The following SORCS1 variants were observed in gnomAD, a reference collection of about 807,000 sequenced individuals.
The protein encoded by SORCS1 is VPS10 domain-containing receptor SorCS1.
A neutral mutation model predicts 146.1 loss-of-function variants in SORCS1; 60 were observed. That is an observed-to-expected ratio of 0.41 (90% CI 0.33 to 0.51). The LOEUF (loss-of-function observed/expected upper bound fraction) is 0.51, where lower values mean the gene tolerates loss of function less well. SORCS1 is among the 20% of genes least tolerant of loss of function. SORCS1 has a pLI of 0.21. For missense variants in SORCS1, 1,352 were observed against 1,487.6 expected (o/e 0.91, Z 1.50); for synonymous variants, 637 against 584.0 (o/e 1.09, Z -1.31).
chr10:107,166,883 A>G (rs1160195875), upstream of SORCS1, among the ~76,000 whole-genome samples: 4 of 152,242 alleles, frequency 2.6e-5, no homozygotes, highest in Admixed American at 6.5e-5. Context: ...GCTTTAGTCT[A>G]TCATTGCCCT....
chr10:106,831,339 CCAGA>C (rs1329241127), intron 2 of SORCS1, among the ~76,000 whole-genome samples: 18 of 152,296 alleles, frequency 1.2e-4, no homozygotes, highest in African/African-American at 4.3e-4. Context: ...CTAAGACTTA[CCAGA>C]CAGTGTTGCT....
chr10:107,036,962 C>T (rs1029617611), intron 1 of SORCS1, among the ~76,000 whole-genome samples: 2 of 152,056 alleles, frequency 1.3e-5, no homozygotes, highest in East Asian at 3.9e-4. Context: ...AATTAGGAAC[C>T]AGGCTGGGCG....
intron 8 of SORCS1, among the ~76,000 whole-genome samples, chr10:106,705,897 T>C (rs1854483355): frequency 6.6e-6 from 1 of 152,134 alleles, no homozygotes; most frequent in South Asian, 2.1e-4. Context: ...TCTAAAAAAT[T>C]AGCTGCGACT....
chr10:106,826,068 T>C (rs185061801), intron 3 of SORCS1, among the ~76,000 whole-genome samples: 2 of 152,322 alleles, frequency 1.3e-5, no homozygotes, highest in Admixed American at 6.5e-5. Context: ...GATCCTGCTT[T>C]ATTCTGGACT....
At chr10:106,737,987 T>C (rs953245652) in intron 5 of SORCS1, among the ~76,000 whole-genome samples, 2 of 152,334 alleles carry the variant, frequency 1.3e-5, no homozygotes, top group African/African-American at 4.8e-5. Flanking sequence ...GATGGTTCCA[T>C]ACCAGAACAA....
the SORCS1 span, among the ~76,000 whole-genome samples, chr10:107,176,135 G>C: frequency 6.6e-6 from 1 of 151,968 alleles, no homozygotes; most frequent in Non-Finnish European, 1.5e-5. Context: ...TTACCACTTA[G>C]TTTAACTTTT....
rs542253340 is a variant in SORCS1, at chr10:106,844,081, T to C, written c.627-14408A>G. On this transcript the variant is annotated intron_variant, in intron 2 of 25. Coordinates refer to ENST00000263054, the MANE Select transcript of SORCS1 (RefSeq NM_052918.5). Reference sequence around the variant, plus strand: ...TTTGATATTTTGATAAAAAACATCCTAATAGTTGTAAGGTGATATTTCATT... The same window carrying C: ...TTTGATATTTTGATAAAAAACATCCCAATAGTTGTAAGGTGATATTTCATT... 4.6e-5 allele frequency among the ~76,000 whole-genome samples: 7 copies of C among 152,352 alleles called. No individual in the cohort carries two copies. The East Asian group carries it at 1.4e-3, about 29-fold the overall frequency.
At chr10:106,635,478 T>G (rs923307042) in intron 18 of SORCS1, among the ~76,000 whole-genome samples, 2 of 151,874 alleles carry the variant, frequency 1.3e-5, no homozygotes, top group Admixed American at 1.3e-4. Flanking sequence ...CAGAGAAAGG[T>G]GAAGCAAAAG....
chr10:106,683,622 C>T (rs1486016199), intron 10 of SORCS1, among the ~76,000 whole-genome samples: 1 of 152,312 alleles, frequency 6.6e-6, no homozygotes, highest in East Asian at 1.9e-4. Flanking sequence ...AGCTTCAAAT[C>T]CCAATTCTTT....
intron 1 of SORCS1, among the ~76,000 whole-genome samples, chr10:107,102,870 C>A (rs1965027157): frequency 6.6e-6 from 1 of 152,120 alleles, no homozygotes; most frequent in South Asian, 2.1e-4. Flanking sequence ...TCCCTGTCCA[C>A]AATATTTTAT....
At chr10:106,784,987 A>G (rs1464385856) in intron 3 of SORCS1, among the ~76,000 whole-genome samples, 1 of 152,210 alleles carries the variant, frequency 6.6e-6, no homozygotes, top group African/African-American at 2.4e-5. Flanking sequence ...TCTAAAAATC[A>G]GTGAACAGAA....
chr10:106,842,344 C>T (rs1251574571), intron 2 of SORCS1, among the ~76,000 whole-genome samples: 1 of 152,190 alleles, frequency 6.6e-6, no homozygotes, highest in Non-Finnish European at 1.5e-5. Context: ...AGTGATTCTC[C>T]TGCCTCAGGC....
At position 106,956,585 on chromosome 10, in the gene SORCS1, A is replaced by G; in HGVS notation, c.559-5T>C. 6.2e-7 allele frequency: 1 copy of G among 1,613,816 alleles called. No homozygotes were observed. Among genetic ancestry groups the G allele is most frequent in the Non-Finnish European group, 8.5e-7 (1 of 1,179,744 alleles). ...CTTTGTCAAAATGAGAATCACCTGA[A>G]GGCAAAAGAAGAAATCATGGTTAGT... On this transcript the variant is annotated splice_polypyrimidine_tract_variant and splice_region_variant and intron_variant, in intron 1 of 25. Coordinates refer to ENST00000263054, the MANE Select transcript of SORCS1 (RefSeq NM_052918.5).
intron 2 of SORCS1, among the ~76,000 whole-genome samples, chr10:106,953,736 T>C (rs550146305): frequency 1.8e-4 from 27 of 152,288 alleles, no homozygotes; most frequent in African/African-American, 5.5e-4. Flanking sequence ...CTGTGGGCAA[T>C]TGTAACATCA....
intron 1 of SORCS1, among the ~76,000 whole-genome samples, chr10:106,962,668 G>C (rs1955293169): frequency 6.6e-6 from 1 of 152,118 alleles, no homozygotes; most frequent in Admixed American, 6.5e-5. Context: ...TATTTCTTTT[G>C]TATTTCTCTC....
At chr10:106,811,989 A>AGTTT (rs370856307) in intron 3 of SORCS1, among the ~76,000 whole-genome samples, 468 of 151,486 alleles carry the variant, frequency 3.1e-3, no homozygotes, top group African/African-American at 7.5e-3. Flanking sequence ...ATGGTTTCAG[A>AGTTT]GTTTGTTTGT....
intron 5 of SORCS1, among the ~76,000 whole-genome samples, chr10:106,731,574 T>A (rs1856603091): frequency 6.6e-6 from 1 of 152,176 alleles, no homozygotes; most frequent in Admixed American, 6.5e-5. Context: ...GTTAAATATG[T>A]CTCATTTACG....
At chr10:106,712,133 T>G (rs372940865) in intron 6 of SORCS1, among the ~76,000 whole-genome samples, 1 of 152,228 alleles carries the variant, frequency 6.6e-6, no homozygotes, top group African/African-American at 2.4e-5. Context: ...GGAAGAAGAC[T>G]TGAATCAGAT....
intron 4 of SORCS1, among the ~76,000 whole-genome samples, chr10:106,769,399 C>T (rs1003045016): frequency 5.3e-5 from 8 of 150,316 alleles, no homozygotes; most frequent in African/African-American, 2.0e-4. Flanking sequence ...GCAGGAGAAT[C>T]GCTTGAAGCC....
Sources: gnomAD v4.1 joint callset for allele counts (sites outside exome capture counted in the v4.1 genomes callset) on GRCh38, gnomAD v4.1.1 for gene constraint, MANE v1.5 for transcripts, NCBI Gene and HGNC (gene_info 2026-07-23, HGNC 2026-07-21) for gene names.